The following POU2F1 variants were observed in gnomAD, a reference collection of about 807,000 sequenced individuals.
The protein encoded by POU2F1 is POU domain, class 2, transcription factor 1.
A neutral mutation model predicts 84.9 loss-of-function variants in POU2F1; 16 were observed. That is an observed-to-expected ratio of 0.19 (90% CI 0.13 to 0.29). The LOEUF (loss-of-function observed/expected upper bound fraction) is 0.29. Ranked by LOEUF, POU2F1 falls within the 10% of genes least tolerant of loss-of-function variation. The pLI, the probability that POU2F1 is intolerant of heterozygous loss-of-function variation, is 1.00. For missense variants in POU2F1, 738 were observed against 942.6 expected, an observed-to-expected ratio of 0.78 and a Z score of 2.84; for synonymous variants, 368 against 368.3, an observed-to-expected ratio of 1.00 and a Z score of 0.01.
At chr1:167,351,596 A>T in intron 2 of POU2F1, among the ~76,000 whole-genome samples, 1 of 151,426 alleles carries the variant, frequency 6.6e-6, no homozygotes, top group South Asian at 2.1e-4. Flanking sequence ...TTAAGTAATG[A>T]TTAAACGTCC....
intron 2 of POU2F1, among the ~76,000 whole-genome samples, chr1:167,362,697 G>A (rs1176679321): frequency 6.6e-6 from 1 of 152,180 alleles, no homozygotes; most frequent in Non-Finnish European, 1.5e-5. Flanking sequence ...TTTTGTTGGG[G>A]TTTCTGTGGG....
intron 1 of POU2F1, among the ~76,000 whole-genome samples, chr1:167,293,092 A>G (rs1011440300): frequency 1.3e-5 from 2 of 152,198 alleles, no homozygotes; most frequent in African/African-American, 2.4e-5. Context: ...CCTGAGAACT[A>G]TAACAAGACG....
intron 9 of POU2F1, among the ~76,000 whole-genome samples, chr1:167,390,612 G>C (rs778293609): frequency 2.0e-5 from 3 of 151,436 alleles, no homozygotes; most frequent in Non-Finnish European, 4.4e-5. Context: ...GTGGGACCCT[G>C]TCTCTCCAAA....
At chr1:167,338,119 C>T (rs116145924) in intron 2 of POU2F1, 25,062 of 419,194 alleles carry the variant, frequency 0.06, 872 homozygotes, top group Middle Eastern at 0.087. Context: ...GTGTGCCTGC[C>T]TCTCCTGCCT....
chr1:167,356,201 A>T, intron 2 of POU2F1, among the ~76,000 whole-genome samples: 1 of 123,750 alleles, frequency 8.1e-6, no homozygotes, highest in East Asian at 2.3e-4. Context: ...GCGGGGTTTC[A>T]CCATGTTGCC....
chr1:167,329,247 G>T, intron 1 of POU2F1: 2 of 1,544,888 alleles, frequency 1.3e-6, no homozygotes, highest in South Asian at 1.2e-5. Flanking sequence ...TCCTTGTTTG[G>T]ACTCTCTGCT....
intron 13 of POU2F1, among the ~76,000 whole-genome samples, chr1:167,405,687 G>A (rs1294430240): frequency 1.3e-5 from 2 of 151,978 alleles, no homozygotes; most frequent in African/African-American, 4.8e-5. Context: ...ACCCTGTTTG[G>A]GGGAAAATAA....
rs761533977 is a variant in POU2F1 at position 167,412,206 on chromosome 1, A to G, written c.1803A>G (p.Gln601=). The change falls in exon 14 of 16, where the codon CAA becomes CAG. Residue 601 remains glutamine, a synonymous_variant. Transcript: ENST00000367866. ...AAACAGCAGCAGCTGCTGCCCTTCA[A>G]GGAGCTGCACAGTTGCCAGCAAATG... is the stretch of plus-strand genomic sequence containing the variant. ...GLQTAAAAAL[Q]GAAQLPANAS... 3.1e-6 allele frequency: 5 copies of G among 1,612,416 alleles called. No individual in the cohort carries two copies. The South Asian group carries it at 5.5e-5, about 18-fold the overall frequency.
intron 2 of POU2F1, among the ~76,000 whole-genome samples, chr1:167,345,109 C>G (rs562872188): frequency 3.9e-5 from 6 of 152,060 alleles, no homozygotes; most frequent in Non-Finnish European, 7.4e-5. Context: ...AGCAAACCAC[C>G]GTGGTACACG....
chr1:167,285,920 C>T (rs1653498418), intron 1 of POU2F1, among the ~76,000 whole-genome samples: 1 of 151,958 alleles, frequency 6.6e-6, no homozygotes, highest in South Asian at 2.1e-4. Flanking sequence ...TTGCCAACTG[C>T]AAGAACACAA....
intron 9 of POU2F1, among the ~76,000 whole-genome samples, chr1:167,390,737 C>T (rs909648314): frequency 5.3e-5 from 8 of 152,118 alleles, no homozygotes; most frequent in African/African-American, 1.9e-4. Flanking sequence ...CTGCAGTGAG[C>T]CATGATTGCT....
chr1:167,322,060 C>T (rs529064739), intron 1 of POU2F1, among the ~76,000 whole-genome samples: 3 of 152,286 alleles, frequency 2.0e-5, no homozygotes, highest in African/African-American at 4.8e-5. Context: ...GAATTGGCCA[C>T]GTGGACGGCC....
At chr1:167,394,590 A>G (rs186307752) in intron 9 of POU2F1, among the ~76,000 whole-genome samples, 6 of 152,312 alleles carry the variant, frequency 3.9e-5, no homozygotes, top group African/African-American at 1.4e-4. Context: ...GCCACTGTCT[A>G]CTTATGGCTA....
chr1:167,370,934 G>C (rs1659965868), intron 4 of POU2F1, among the ~76,000 whole-genome samples: 1 of 152,126 alleles, frequency 6.6e-6, no homozygotes, highest in Admixed American at 6.5e-5. Flanking sequence ...CTATCAACCT[G>C]CTGGTTCCTT....
rs1478019056 is a variant in POU2F1 at position 167,416,282 on chromosome 1, C to T, written c.*472C>T. ...AAATCATTTTTATGGGTCTGTTGTACAGGCCATTAAGTCATAACAAGGTGT... is the reference window on the plus strand; with the variant it reads ...AAATCATTTTTATGGGTCTGTTGTATAGGCCATTAAGTCATAACAAGGTGT... On this transcript the variant is annotated 3_prime_UTR_variant, in exon 16 of 16. Coordinates refer to ENST00000367866, the MANE Select transcript of POU2F1 (RefSeq NM_002697.4). 3.3e-6 allele frequency: 1 copy of T among 300,636 alleles called. No homozygotes were observed. The highest frequency in any genetic ancestry group is 3.1e-5 in the South Asian group (1 of 32,444). The allele number at this position is 300,636 out of a possible 1,614,324, so 18.6% of individuals were successfully genotyped here.
At chr1:167,375,755 A>G (rs1660286118) in intron 6 of POU2F1, among the ~76,000 whole-genome samples, 1 of 152,210 alleles carries the variant, frequency 6.6e-6, no homozygotes, top group African/African-American at 2.4e-5. Context: ...ACAGAAGTAT[A>G]TTTGTTCTGA....
chr1:167,352,379 A>G (rs1658638123), intron 2 of POU2F1, among the ~76,000 whole-genome samples: 1 of 152,226 alleles, frequency 6.6e-6, no homozygotes, highest in Admixed American at 6.5e-5. Context: ...CCAGAATTCT[A>G]CTACTTTGTC....
At chr1:167,362,641 A>G (rs183682053) in intron 2 of POU2F1, among the ~76,000 whole-genome samples, 3 of 152,314 alleles carry the variant, frequency 2.0e-5, no homozygotes, top group Admixed American at 2.0e-4. Context: ...GCCTCTGAGT[A>G]GCTGGAATTA....
At chr1:167,230,505 C>T (rs927364875) in intron 1 of POU2F1, among the ~76,000 whole-genome samples, 1 of 152,110 alleles carries the variant, frequency 6.6e-6, no homozygotes, top group Non-Finnish European at 1.5e-5. Context: ...TTTCCTCCTC[C>T]TTTCCACAGT....
Sources: allele counts gnomAD v4.1 joint callset (sites outside exome capture counted in the v4.1 genomes callset), GRCh38; gene constraint gnomAD v4.1.1; transcripts MANE v1.5; gene names NCBI Gene and HGNC (gene_info 2026-07-23, HGNC 2026-07-21).